Variants in AMPH observed in about 807,000 individuals in gnomAD.
AMPH encodes the protein amphiphysin (Stiff-Mann syndrome with breast cancer 128kD autoantigen).
In AMPH, 49 loss-of-function variants were observed where a neutral mutation model predicts 99.1. The ratio of observed to expected loss-of-function variants is 0.49; its 90% CI spans 0.39 to 0.63. The LOEUF (loss-of-function observed/expected upper bound fraction) is 0.63, where lower values mean the gene tolerates loss of function less well. Ranked by LOEUF, AMPH falls within the 20% of genes least tolerant of loss-of-function variation. The probability of loss-of-function intolerance (pLI) is 0.00; values close to 1 mark genes in which losing one functional copy is unlikely to be tolerated. For missense variants in AMPH, 759 were observed against 863.4 expected (o/e 0.88, Z 1.52); for synonymous variants, 314 against 317.3 (o/e 0.99, Z 0.11).
At chr7:38,395,916 A>T (rs1252757248) in intron 17 of AMPH, among the ~76,000 whole-genome samples, 1 of 152,238 alleles carries the variant, frequency 6.6e-6, no homozygotes. Flanking sequence ...TAGTTTAAAT[A>T]AAAATGCCTG....
intron 1 of AMPH, among the ~76,000 whole-genome samples, chr7:38,624,859 A>T (rs959298258): frequency 3.3e-5 from 5 of 152,192 alleles, no homozygotes; most frequent in African/African-American, 1.2e-4. Context: ...GAAAGCCAGC[A>T]TTAGTGAATA....
chr7:38,572,873 CG>C (rs2129053016), intron 1 of AMPH, among the ~76,000 whole-genome samples: 1 of 152,228 alleles, frequency 6.6e-6, no homozygotes, highest in East Asian at 1.9e-4. Flanking sequence ...GCAGAGGAAG[CG>C]TGAGCATGGC....
intron 2 of AMPH, among the ~76,000 whole-genome samples, chr7:38,520,675 A>G (rs1394077693): frequency 1.3e-5 from 2 of 152,232 alleles, no homozygotes; most frequent in African/African-American, 4.8e-5. Context: ...GACTGAGGGG[A>G]TGGGGAAAAT....
rs137879259 is a variant in AMPH at position 38,604,532 on chromosome 7, G to A, written c.69+26751C>T. 2.7e-3 allele frequency among the ~76,000 whole-genome samples: 416 copies of A among 152,270 alleles called. 2 individuals carry two copies. The highest frequency in any genetic ancestry group is 9.4e-3 in the African/African-American group (390 of 41,542). On this transcript the variant is annotated intron_variant, in intron 1 of 20. Coordinates refer to ENST00000356264, the MANE Select transcript of AMPH (RefSeq NM_001635.4). ...AGTTGAGAGCTTGGGATGAGTCTAC[G>A]GGCCTAGGTTGGGATCCTGGCTCAG... is the stretch of plus-strand genomic sequence containing the variant.
At chr7:38,386,723 G>C (rs1391549529) in intron 20 of AMPH, among the ~76,000 whole-genome samples, 1 of 152,128 alleles carries the variant, frequency 6.6e-6, no homozygotes, top group Non-Finnish European at 1.5e-5. Context: ...AATATATAAA[G>C]TGTAAATTTA....
Position 38,429,266 on chromosome 7 carries a change from C to T in AMPH, c.1182+576G>A, listed in dbSNP as rs756576488. 2.4e-5 allele frequency: 31 copies of T among 1,285,912 alleles called. No homozygotes were observed. In the South Asian group the frequency reaches 3.6e-4, roughly 15 times the overall value. 79.7% of individuals were successfully genotyped at this position (1,285,912 alleles called of 1,614,324 possible). On this transcript the variant is annotated intron_variant, in intron 14 of 20. Transcript: ENST00000356264. ...CAGCCTCCGGCGCAGGCTTTGGGGG[C>T]AGTTGTTCATTTCCACCTGGAAAGG... is the stretch of plus-strand genomic sequence containing the variant.
intron 1 of AMPH, among the ~76,000 whole-genome samples, chr7:38,629,539 ATTAGG>A (rs1273910092): frequency 6.6e-6 from 1 of 152,234 alleles, no homozygotes; most frequent in Non-Finnish European, 1.5e-5. Flanking sequence ...TCCGTAAGAG[ATTAGG>A]TTTTCTTTTC....
intron 1 of AMPH, among the ~76,000 whole-genome samples, chr7:38,580,988 A>G (rs748647711): frequency 2.0e-5 from 3 of 152,202 alleles, no homozygotes; most frequent in Non-Finnish European, 4.4e-5. Context: ...ATGTTTATAA[A>G]TTATTTCTCA....
chr7:38,577,933 T>C (rs1792306872), intron 1 of AMPH, among the ~76,000 whole-genome samples: 1 of 152,194 alleles, frequency 6.6e-6, no homozygotes, highest in Non-Finnish European at 1.5e-5. Flanking sequence ...TCTACATCCC[T>C]CTTAGCAAAT....
At position 38,543,463 on chromosome 7, in the gene AMPH, T is replaced by C. The variant is rs527999117; in HGVS notation, c.70-8452A>G. Among the ~76,000 whole-genome samples, 16 of 152,272 alleles carry C rather than the reference T, an allele frequency of 1.1e-4. No homozygotes were observed. The South Asian group carries it at 2.9e-3, about 28-fold the overall frequency. On this transcript the variant is annotated intron_variant, in intron 1 of 20. Transcript: ENST00000356264. ...GAATATGTTCTTGCTTTTTTTCCTC[T>C]TATAAAAAATGCCCACTTTACTAAA...
In AMPH at chr7:38,552,098, C is replaced by T. The variant is rs998523246; in HGVS notation, c.70-17087G>A. Among the ~76,000 whole-genome samples the T allele has an allele frequency of 2.6e-5, 4 of 152,240 alleles. No homozygotes were observed. In the East Asian group the frequency reaches 5.8e-4, roughly 22 times the overall value. On this transcript the variant is annotated intron_variant, in intron 1 of 20. Coordinates refer to ENST00000356264, the MANE Select transcript of AMPH (RefSeq NM_001635.4). ...TCATACAGACTTAATATGCCAAGTA[C>T]ATTTTGAATCTCCAAGAGGAAGATG...
intron 1 of AMPH, among the ~76,000 whole-genome samples, chr7:38,580,144 T>C (rs1346223087): frequency 6.6e-6 from 1 of 152,182 alleles, no homozygotes; most frequent in South Asian, 2.1e-4. Flanking sequence ...AATGCTTAAT[T>C]ATAAGACTTT....
At chr7:38,630,239 G>A (rs1794408358) in intron 1 of AMPH, among the ~76,000 whole-genome samples, 1 of 152,208 alleles carries the variant, frequency 6.6e-6, no homozygotes, top group Admixed American at 6.5e-5. Flanking sequence ...CTCATTAGCC[G>A]GTGTTGATTT....
intron 1 of AMPH, among the ~76,000 whole-genome samples, chr7:38,542,829 C>T (rs934041608): frequency 1.3e-5 from 2 of 152,116 alleles, no homozygotes; most frequent in African/African-American, 4.8e-5. Flanking sequence ...GGTGCAGTAG[C>T]TCACACCTGT....
intron 11 of AMPH, among the ~76,000 whole-genome samples, chr7:38,452,421 TTTTATCTA>T (rs983856360): frequency 6.6e-6 from 1 of 152,240 alleles, no homozygotes; most frequent in Non-Finnish European, 1.5e-5. Flanking sequence ...ATTTATTCTC[TTTTATCTA>T]TTTATCTGTA....
chr7:38,419,899 T>C (rs1489526920), intron 16 of AMPH, among the ~76,000 whole-genome samples: 1 of 152,142 alleles, frequency 6.6e-6, no homozygotes, highest in Non-Finnish European at 1.5e-5. Context: ...ATGCAAAAAA[T>C]ATTTGCACCA....
rs900059063 is a variant in AMPH at position 38,547,107 on chromosome 7, C to T, written c.70-12096G>A. Among the ~76,000 whole-genome samples the T allele has an allele frequency of 9.2e-5, 14 of 152,240 alleles. No homozygotes were observed. The East Asian group carries it at 9.7e-4, about 11-fold the overall frequency. Reference sequence around the variant, plus strand: ...TCTCATCCCCTTGCCTTTCAGGTGGCCCCAATAATTGCATCTCCTCTCCAT... The same window carrying T: ...TCTCATCCCCTTGCCTTTCAGGTGGTCCCAATAATTGCATCTCCTCTCCAT... On this transcript the variant is annotated intron_variant, in intron 1 of 20. Coordinates refer to ENST00000356264, the MANE Select transcript of AMPH (RefSeq NM_001635.4).
intron 19 of AMPH, among the ~76,000 whole-genome samples, chr7:38,390,123 G>A (rs531168984): frequency 6.6e-6 from 1 of 152,262 alleles, no homozygotes; most frequent in East Asian, 1.9e-4. Flanking sequence ...CTACAACAGG[G>A]AAAAGCACTA....
chr7:38,461,229 G>A, intron 11 of AMPH, 54 bp downstream of exon 11: 1 of 1,606,194 alleles, frequency 6.2e-7, no homozygotes, highest in Non-Finnish European at 8.5e-7. Flanking sequence ...GCCCCTGAGA[G>A]TCCTTCCACC....
Sources: allele counts gnomAD v4.1 joint callset (sites outside exome capture counted in the v4.1 genomes callset), GRCh38; gene constraint gnomAD v4.1.1; transcripts MANE v1.5; gene names NCBI Gene and HGNC (gene_info 2026-07-23, HGNC 2026-07-21).